The following CTNNA3 variants were observed in gnomAD, a reference collection of about 807,000 sequenced individuals.
CTNNA3 encodes catenin alpha 3, also known as catenin alpha-3.
Under a neutral mutation model 95.7 loss-of-function variants are expected in CTNNA3, and 76 were observed. That is an observed-to-expected ratio of 0.79 (90% CI 0.66 to 0.96). The LOEUF (loss-of-function observed/expected upper bound fraction) is 0.96, where lower values mean the gene tolerates loss of function less well. Ranked by LOEUF, CTNNA3 falls within the 40% of genes least tolerant of loss-of-function variation. CTNNA3 has a pLI of 0.00. For missense variants in CTNNA3, 1,191 were observed against 1,089.8 expected (o/e 1.09, Z -1.31); for synonymous variants, 431 against 374.4 (o/e 1.15, Z -1.74).
chr10:67,467,816 T>A (rs1847656213), intron 5 of CTNNA3, among the ~76,000 whole-genome samples: 2 of 151,954 alleles, frequency 1.3e-5, no homozygotes, highest in African/African-American at 4.8e-5. Context: ...GCTCAGGTGA[T>A]CCTCCCACCT....
At chr10:65,938,776 G>C (rs186674464) in intron 17 of CTNNA3, among the ~76,000 whole-genome samples, 5 of 152,190 alleles carry the variant, frequency 3.3e-5, no homozygotes, top group African/African-American at 9.6e-5. Context: ...GTGTGTGTTA[G>C]TGAGCCTATT....
chr10:66,462,845 T>C (rs1020960673), intron 11 of CTNNA3, among the ~76,000 whole-genome samples: 4 of 152,148 alleles, frequency 2.6e-5, no homozygotes, highest in Admixed American at 2.6e-4. Flanking sequence ...CACAGTATCA[T>C]TATAAATTTA....
chr10:67,195,372 C>T (rs1321317488), intron 6 of CTNNA3, among the ~76,000 whole-genome samples: 1 of 151,868 alleles, frequency 6.6e-6, no homozygotes, highest in Non-Finnish European at 1.5e-5. Context: ...TGAATTTTGG[C>T]CCCCTACTCA....
At chr10:67,222,817 G>T (rs764706282) in intron 5 of CTNNA3, among the ~76,000 whole-genome samples, 59 of 151,962 alleles carry the variant, frequency 3.9e-4, no homozygotes, top group Non-Finnish European at 7.1e-4. Context: ...TATTTAGAAG[G>T]ACAGTGTCAA....
At chr10:66,730,063 G>A (rs1848909513) in intron 9 of CTNNA3, among the ~76,000 whole-genome samples, 1 of 149,090 alleles carries the variant, frequency 6.7e-6, no homozygotes, top group Non-Finnish European at 1.5e-5. Context: ...CCGAGATTGT[G>A]CCACTGCACT....
At chr10:66,434,196 T>C (rs1055575095) in intron 11 of CTNNA3, among the ~76,000 whole-genome samples, 1 of 152,168 alleles carries the variant, frequency 6.6e-6, no homozygotes, top group African/African-American at 2.4e-5. Flanking sequence ...CAATGGTTGC[T>C]TAATGGGAAT....
chr10:67,153,508 A>C (rs898787340), intron 7 of CTNNA3, among the ~76,000 whole-genome samples: 2 of 152,252 alleles, frequency 1.3e-5, no homozygotes, highest in Non-Finnish European at 2.9e-5. Flanking sequence ...CTGGAATTTC[A>C]GAAAGGTTGT....
At chr10:67,181,819 GAT>G (rs1341415707) in intron 6 of CTNNA3, among the ~76,000 whole-genome samples, 2 of 151,776 alleles carry the variant, frequency 1.3e-5, no homozygotes, top group Admixed American at 1.3e-4. Context: ...TATAGAAAAA[GAT>G]ATAGTTTTAA....
chr10:67,758,311 T>A (rs1444573608), intron 1 of CTNNA3, among the ~76,000 whole-genome samples: 3 of 73,632 alleles, frequency 4.1e-5, no homozygotes, highest in African/African-American at 1.7e-4. Flanking sequence ...CACACATATA[T>A]ATAAATATAT....
chr10:66,473,517 T>C (rs1277943399), intron 11 of CTNNA3, among the ~76,000 whole-genome samples: 1 of 151,982 alleles, frequency 6.6e-6, no homozygotes, highest in African/African-American at 2.4e-5. Context: ...GGTATTTCTT[T>C]CCTTTTTTAT....
intron 7 of CTNNA3, among the ~76,000 whole-genome samples, chr10:66,830,354 C>T (rs1216502404): frequency 6.6e-6 from 1 of 152,080 alleles, no homozygotes; most frequent in Non-Finnish European, 1.5e-5. Flanking sequence ...AAACAAATAC[C>T]TGAAGGTTTT....
chr10:65,925,021 T>C (rs1394270495), intron 17 of CTNNA3, among the ~76,000 whole-genome samples: 3 of 152,136 alleles, frequency 2.0e-5, no homozygotes, highest in Non-Finnish European at 4.4e-5. Flanking sequence ...CACATGGGGA[T>C]TACTACAATT....
chr10:67,146,467 C>T (rs891145546), intron 7 of CTNNA3, among the ~76,000 whole-genome samples: 1 of 152,254 alleles, frequency 6.6e-6, no homozygotes, highest in Non-Finnish European at 1.5e-5. Context: ...AATATATACA[C>T]AACACTGTTC....
intron 14 of CTNNA3, among the ~76,000 whole-genome samples, chr10:66,072,914 C>T (rs992177814): frequency 6.6e-6 from 1 of 151,910 alleles, no homozygotes; most frequent in African/African-American, 2.4e-5. Context: ...AGTGTATATA[C>T]CTTGTGGAAT....
At chr10:66,100,736 TAC>T (rs754544856) in intron 14 of CTNNA3, among the ~76,000 whole-genome samples, 26 of 152,342 alleles carry the variant, frequency 1.7e-4, no homozygotes, top group Non-Finnish European at 2.9e-4. Flanking sequence ...GCCTGGCCTA[TAC>T]TTTGGACCAA....
chr10:65,997,031 T>A lies in CTNNA3; in HGVS notation c.2160-8234A>T, dbSNP rs573827339. On this transcript the variant is annotated intron_variant, in intron 15 of 17. Transcript: ENST00000433211. ...GTCTTTCCATTAATTGTGTTTTTTT[T>A]AATCCCATTATCTATTCTCCACAGT... 2.6e-4 allele frequency among the ~76,000 whole-genome samples: 39 copies of A among 152,206 alleles called. No homozygotes were observed. The South Asian group carries it at 5.4e-3, about 21-fold the overall frequency.
At chr10:67,210,579 T>G (rs1864099762) in intron 6 of CTNNA3, among the ~76,000 whole-genome samples, 2 of 152,178 alleles carry the variant, frequency 1.3e-5, no homozygotes, top group South Asian at 4.1e-4. Flanking sequence ...CATACTTTTT[T>G]GTGGTGACTC....
chr10:66,142,604 T>C (rs540452282), intron 13 of CTNNA3, among the ~76,000 whole-genome samples: 5 of 129,256 alleles, frequency 3.9e-5, no homozygotes, highest in Admixed American at 1.5e-4. Flanking sequence ...AGAGCCAGTT[T>C]TGAAACAGGA....
chr10:66,826,847 T>C (rs972635158), intron 7 of CTNNA3, among the ~76,000 whole-genome samples: 1 of 152,174 alleles, frequency 6.6e-6, no homozygotes, highest in Non-Finnish European at 1.5e-5. Flanking sequence ...TATCTGGCTT[T>C]TCACAGAAAC....
Sources: gnomAD v4.1 joint callset for allele counts (sites outside exome capture counted in the v4.1 genomes callset) on GRCh38, gnomAD v4.1.1 for gene constraint, MANE v1.5 for transcripts, NCBI Gene and HGNC (gene_info 2026-07-23, HGNC 2026-07-21) for gene names.